SRGAP1: variants seen among roughly 807,000 people sequenced by gnomAD.
The protein encoded by SRGAP1 is SLIT-ROBO Rho GTPase activating protein 1, also known as SLIT-ROBO Rho GTPase-activating protein 1.
SRGAP1 carries 43 observed loss-of-function variants against 121.9 expected under a neutral mutation model. The observed-to-expected ratio is 0.35, with a 90% CI of 0.28 to 0.46. The LOEUF is 0.46. Among genes scored for constraint, SRGAP1 ranks in the 20% least tolerant of loss-of-function variants. SRGAP1 has a pLI of 1.00. For missense variants in SRGAP1, 1,102 were observed against 1,350.9 expected (o/e 0.82, Z 2.89); for synonymous variants, 447 against 485.4 (o/e 0.92, Z 1.04).
At chr12:64,138,002 A>G (rs1006252401) in intron 21 of SRGAP1, among the ~76,000 whole-genome samples, 2 of 149,724 alleles carry the variant, frequency 1.3e-5, no homozygotes, top group African/African-American at 2.4e-5. Flanking sequence ...AAAATTGACA[A>G]TCTTAACCAT....
chr12:63,974,879 T>G (rs2136396529), intron 1 of SRGAP1, among the ~76,000 whole-genome samples: 1 of 152,248 alleles, frequency 6.6e-6, no homozygotes, highest in East Asian at 1.9e-4. Flanking sequence ...AGGCATGACA[T>G]TTCCATTCCC....
At chr12:63,895,201 A>C (rs1349403139) in intron 1 of SRGAP1, among the ~76,000 whole-genome samples, 1 of 152,192 alleles carries the variant, frequency 6.6e-6, no homozygotes, top group Non-Finnish European at 1.5e-5. Flanking sequence ...AGCTTAATAT[A>C]AAATTTAGTG....
Position 64,145,347 on chromosome 12 carries a change from CCTCT to C in SRGAP1, c.*2680_*2683del, listed in dbSNP as rs1407284941. ...TATCTGGTCATCCTCCCCAGCGGCT[CCTCT>C]CTCTGATGTGTCCACCTACGGTGGA... On this transcript the variant is annotated 3_prime_UTR_variant, in exon 22 of 22. Transcript: ENST00000355086. The C allele has an allele frequency of 6.6e-6, 1 of 152,286 alleles. No individual in the cohort carries two copies. The highest frequency in any genetic ancestry group is 2.4e-5 in the African/African-American group (1 of 41,444). The allele number at this position is 152,286 out of a possible 1,614,324, so 9.4% of individuals were successfully genotyped here.
At chr12:64,032,001 T>G (rs1467387715) in intron 4 of SRGAP1, among the ~76,000 whole-genome samples, 3 of 152,210 alleles carry the variant, frequency 2.0e-5, no homozygotes, top group Non-Finnish European at 4.4e-5. Flanking sequence ...TCTGTAAATT[T>G]ACTAGGGGCA....
intron 2 of SRGAP1, among the ~76,000 whole-genome samples, chr12:63,988,751 G>A (rs1458616753): frequency 6.6e-6 from 1 of 152,116 alleles, no homozygotes; most frequent in Non-Finnish European, 1.5e-5. Flanking sequence ...ATTAGCATAA[G>A]GATTCTCTGC....
chr12:64,125,947 T>C, intron 18 of SRGAP1, 30 bp from the exon 19 acceptor site: 2 of 1,605,542 alleles, frequency 1.2e-6, no homozygotes, highest in Non-Finnish European at 1.7e-6. Context: ...CAACCCTGTT[T>C]CTCGCTGTTT....
intron 4 of SRGAP1, among the ~76,000 whole-genome samples, chr12:64,025,302 G>A (rs1008450070): frequency 1.3e-5 from 2 of 152,066 alleles, no homozygotes; most frequent in African/African-American, 4.8e-5. Context: ...AGGAGCTAAG[G>A]CATCCTTCTA....
intron 3 of SRGAP1, among the ~76,000 whole-genome samples, chr12:64,011,885 G>T (rs561133257): frequency 6.6e-6 from 1 of 152,090 alleles, no homozygotes; most frequent in African/African-American, 2.4e-5. Context: ...GGAGGCCAAG[G>T]CAGGCAGATC....
At chr12:63,905,157 G>A (rs986487067) in intron 1 of SRGAP1, among the ~76,000 whole-genome samples, 1 of 152,146 alleles carries the variant, frequency 6.6e-6, no homozygotes, top group East Asian at 1.9e-4. Flanking sequence ...TTTGGGCCAT[G>A]GTTCTGGGTT....
Position 64,147,503 on chromosome 12 carries a change from C to G in SRGAP1, c.*4831C>G. The G allele has an allele frequency of 2.5e-6, 1 of 398,768 alleles. No homozygotes were observed. Among genetic ancestry groups the G allele is most frequent in the Non-Finnish European group, 4.4e-6 (1 of 226,166 alleles). The allele number at this position is 398,768 out of a possible 1,614,324, so 24.7% of individuals were successfully genotyped here. A position where few individuals can be genotyped will look rare whatever the true frequency, so the allele number is the denominator to read the frequency against. On this transcript the variant is annotated 3_prime_UTR_variant, in exon 22 of 22. Coordinates refer to ENST00000355086, the MANE Select transcript of SRGAP1 (RefSeq NM_020762.4). The stretch of plus-strand genomic sequence containing the variant: ...ACCTCCCTGTCGGTCCTCAGACTGT[C>G]TCGTTTTCCTTGTAGACGTGATTGT...
chr12:64,149,060 G>T lies in SRGAP1; in HGVS notation c.*6388G>T, dbSNP rs1363686525. On this transcript the variant is annotated 3_prime_UTR_variant, in exon 22 of 22. Transcript: ENST00000355086. ...GTTTTTCCATTTTTACTGCTATATA[G>T]AATTCCATTACATGAATATGCTCAA... 3.9e-5 allele frequency: 6 copies of T among 152,178 alleles called. No homozygotes were observed. The highest frequency in any genetic ancestry group is 8.8e-5 in the Non-Finnish European group (6 of 68,032). 9.4% of individuals were successfully genotyped at this position (152,178 alleles called of 1,614,324 possible). A position where few individuals can be genotyped will look rare whatever the true frequency, so the allele number is the denominator to read the frequency against.
At chr12:63,974,561 A>G (rs2033043898) in intron 1 of SRGAP1, among the ~76,000 whole-genome samples, 1 of 152,240 alleles carries the variant, frequency 6.6e-6, no homozygotes, top group South Asian at 2.1e-4. Context: ...TTACTTTAAT[A>G]CAAAAAAGGA....
chr12:64,015,545 CA>C (rs2034380105), intron 3 of SRGAP1, among the ~76,000 whole-genome samples: 1 of 152,162 alleles, frequency 6.6e-6, no homozygotes, highest in Non-Finnish European at 1.5e-5. Context: ...TCTCAAAGTT[CA>C]GGTACTGCTC....
intron 1 of SRGAP1, among the ~76,000 whole-genome samples, chr12:63,968,644 C>T (rs1312633582): frequency 6.6e-6 from 1 of 152,216 alleles, no homozygotes; most frequent in Non-Finnish European, 1.5e-5. Context: ...ACCGTTTCAA[C>T]CCTGTCAGGA....
At chr12:64,002,398 A>G (rs2033929664) in intron 3 of SRGAP1, among the ~76,000 whole-genome samples, 1 of 152,200 alleles carries the variant, frequency 6.6e-6, no homozygotes, top group South Asian at 2.1e-4. Context: ...TCCTGCTGCC[A>G]CTTGGCCTCA....
chr12:63,937,165 G>A (rs188101388), intron 1 of SRGAP1, among the ~76,000 whole-genome samples: 360 of 152,306 alleles, frequency 2.4e-3, no homozygotes, highest in Non-Finnish European at 3.5e-3. Context: ...TTGCACATTG[G>A]TTGGTCATGA....
intron 1 of SRGAP1, among the ~76,000 whole-genome samples, chr12:63,908,120 G>A (rs111690482): frequency 3.7e-4 from 56 of 151,776 alleles, no homozygotes; most frequent in African/African-American, 1.2e-3. Context: ...TTGTAGCTTC[G>A]TAGTAAGCTT....
rs547174243 is a variant in SRGAP1, at chr12:63,973,341, C to T, written c.68-10606C>T. Among the ~76,000 whole-genome samples the T allele has an allele frequency of 5.9e-5, 9 of 152,176 alleles. No homozygotes were observed. The South Asian group carries it at 1.9e-3, about 32-fold the overall frequency. ...ATAATTACATACTATGTATAATTGC[C>T]GAACATTGTAAGTTTGCATCGTAGT... On this transcript the variant is annotated intron_variant, in intron 1 of 21. Coordinates refer to ENST00000355086, the MANE Select transcript of SRGAP1 (RefSeq NM_020762.4).
rs1224738010 is a variant in SRGAP1 at position 64,154,345 on chromosome 12, G to A, written c.*11673G>A. 1 of 152,116 alleles carries A rather than the reference G, an allele frequency of 6.6e-6. No homozygotes were observed. The highest frequency in any genetic ancestry group is 2.4e-5 in the African/African-American group (1 of 41,406). 9.4% of individuals were successfully genotyped at this position (152,116 alleles called of 1,614,324 possible). Reference sequence around the variant, plus strand: ...TGTTGTAGTTGTGTTTGGGGTCCACGGGTGGGGAGGAGCTTGGGAAGGAAT... The same window carrying A: ...TGTTGTAGTTGTGTTTGGGGTCCACAGGTGGGGAGGAGCTTGGGAAGGAAT... On this transcript the variant is annotated 3_prime_UTR_variant, in exon 22 of 22. Coordinates refer to ENST00000355086, the MANE Select transcript of SRGAP1 (RefSeq NM_020762.4).
Sources: allele counts gnomAD v4.1 joint callset (sites outside exome capture counted in the v4.1 genomes callset), GRCh38; gene constraint gnomAD v4.1.1; transcripts MANE v1.5; gene names NCBI Gene and HGNC (gene_info 2026-07-23, HGNC 2026-07-21).